The following LMBRD1 variants were observed in gnomAD, a reference collection of about 807,000 sequenced individuals.
LMBRD1 encodes the protein lysosomal cobalamin transport escort protein LMBD1.
In LMBRD1, 64 loss-of-function variants were observed where a neutral mutation model predicts 74.8. That is an observed-to-expected ratio of 0.86 (90% CI 0.70 to 1.05). The LOEUF is 1.05. LMBRD1 is among the 50% of genes least tolerant of loss of function. The pLI is 0.00. For missense variants in LMBRD1, 652 were observed against 645.9 expected, an observed-to-expected ratio of 1.01 and a Z score of -0.10; for synonymous variants, 204 against 216.3, an observed-to-expected ratio of 0.94 and a Z score of 0.50.
intron 14 of LMBRD1, among the ~76,000 whole-genome samples, chr6:69,690,738 C>T (rs913612289): frequency 6.6e-6 from 1 of 152,098 alleles, no homozygotes; most frequent in African/African-American, 2.4e-5. Context: ...TTGTGTACCT[C>T]ATAAATATAT....
intron 14 of LMBRD1, among the ~76,000 whole-genome samples, chr6:69,692,055 A>G (rs1765896484): frequency 6.6e-6 from 1 of 152,108 alleles, no homozygotes; most frequent in Non-Finnish European, 1.5e-5. Flanking sequence ...ATTATTTACA[A>G]TAATTCTCAT....
At chr6:69,762,455 AC>A (rs1765392026) in intron 3 of LMBRD1, among the ~76,000 whole-genome samples, 2 of 147,540 alleles carry the variant, frequency 1.4e-5, no homozygotes, top group South Asian at 2.2e-4. Context: ...CTACCAAAAA[AC>A]AAAAAAAAAA....
intron 3 of LMBRD1, among the ~76,000 whole-genome samples, chr6:69,761,368 T>C (rs1301779503): frequency 1.3e-5 from 2 of 152,182 alleles, no homozygotes; most frequent in Non-Finnish European, 2.9e-5. Flanking sequence ...GGCTAAATAA[T>C]TCATGCTATA....
At chr6:69,760,823 A>G (rs991304989) in intron 3 of LMBRD1, among the ~76,000 whole-genome samples, 1 of 152,120 alleles carries the variant, frequency 6.6e-6, no homozygotes, top group African/African-American at 2.4e-5. Context: ...GAGCTGCCCT[A>G]TAGAAAAGTC....
intron 7 of LMBRD1, among the ~76,000 whole-genome samples, chr6:69,728,469 T>C (rs1766783559): frequency 6.6e-6 from 1 of 152,206 alleles, no homozygotes; most frequent in African/African-American, 2.4e-5. Flanking sequence ...GCAGGTATGT[T>C]TCCCTGTCCC....
At chr6:69,741,361 G>A (rs1433253828) in intron 6 of LMBRD1, among the ~76,000 whole-genome samples, 2 of 151,626 alleles carry the variant, frequency 1.3e-5, no homozygotes, top group African/African-American at 2.4e-5. Flanking sequence ...TGACGAGTTA[G>A]AAAAACTGTG....
intron 3 of LMBRD1, among the ~76,000 whole-genome samples, chr6:69,760,989 G>A (rs1765361215): frequency 1.3e-5 from 2 of 152,172 alleles, no homozygotes; most frequent in Non-Finnish European, 2.9e-5. Flanking sequence ...CCCAACAAGA[G>A]AACCTGACCG....
At chr6:69,775,936 C>T (rs1248114770) in intron 3 of LMBRD1, among the ~76,000 whole-genome samples, 2 of 152,032 alleles carry the variant, frequency 1.3e-5, no homozygotes, top group South Asian at 2.1e-4. Flanking sequence ...TATTTGTCAC[C>T]AATGATAAAA....
intron 9 of LMBRD1, among the ~76,000 whole-genome samples, chr6:69,712,585 C>T (rs1428310448): frequency 2.0e-5 from 3 of 151,940 alleles, no homozygotes; most frequent in Non-Finnish European, 4.4e-5. Context: ...TTTGTGACAA[C>T]ATGGATGTGC....
intron 3 of LMBRD1, among the ~76,000 whole-genome samples, chr6:69,765,160 A>G (rs1184064101): frequency 1.3e-5 from 2 of 151,986 alleles, no homozygotes; most frequent in African/African-American, 4.8e-5. Context: ...TGAACTCCTG[A>G]CCTCAAGTGA....
intron 2 of LMBRD1, among the ~76,000 whole-genome samples, chr6:69,780,924 A>G (rs1471163975): frequency 6.6e-6 from 1 of 152,202 alleles, no homozygotes; most frequent in Non-Finnish European, 1.5e-5. Context: ...AAGCTTCAAG[A>G]AGCTAAATAT....
At chr6:69,778,206 C>A (rs1234055627) in intron 3 of LMBRD1, among the ~76,000 whole-genome samples, 1 of 152,212 alleles carries the variant, frequency 6.6e-6, no homozygotes, top group Non-Finnish European at 1.5e-5. Context: ...ACTGTCTCAA[C>A]TATCCTATTC....
At chr6:69,770,453 C>T (rs769303147) in intron 3 of LMBRD1, among the ~76,000 whole-genome samples, 2 of 152,152 alleles carry the variant, frequency 1.3e-5, no homozygotes, top group Non-Finnish European at 2.9e-5. Flanking sequence ...GTTTTCTGTT[C>T]AGTTTTGTCC....
chr6:69,749,263 C>T, intron 5 of LMBRD1, 78 bp downstream of exon 5: 1 of 1,146,126 alleles, frequency 8.7e-7, no homozygotes. Flanking sequence ...CTAGATTTTT[C>T]TGAATGATCC....
chr6:69,755,102 A>T (rs1229854116), intron 3 of LMBRD1, among the ~76,000 whole-genome samples: 2 of 152,212 alleles, frequency 1.3e-5, no homozygotes, highest in Non-Finnish European at 2.9e-5. Context: ...AGGATCATAA[A>T]TCATTCTACT....
At chr6:69,729,676 T>A (rs1049961905) in intron 7 of LMBRD1, among the ~76,000 whole-genome samples, 1 of 152,022 alleles carries the variant, frequency 6.6e-6, no homozygotes, top group Non-Finnish European at 1.5e-5. Flanking sequence ...TTAAAATATT[T>A]TATAAAATAA....
intron 6 of LMBRD1, among the ~76,000 whole-genome samples, chr6:69,739,810 TA>T (rs1373706043): frequency 7.5e-6 from 1 of 134,050 alleles, no homozygotes; most frequent in African/African-American, 2.9e-5. Flanking sequence ...GCATTTTTTT[TA>T]AAAAAGGTTA....
At chr6:69,696,343 G>GTCTCAATT (rs1459837452) in intron 14 of LMBRD1, among the ~76,000 whole-genome samples, 3 of 152,064 alleles carry the variant, frequency 2.0e-5, no homozygotes, top group Non-Finnish European at 2.9e-5. Context: ...CCATAGTCTG[G>GTCTCAATT]TCTCAATTTC....
intron 4 of LMBRD1, among the ~76,000 whole-genome samples, chr6:69,750,214 AC>A (rs905128180): frequency 6.6e-6 from 1 of 151,178 alleles, no homozygotes; most frequent in African/African-American, 2.4e-5. Context: ...ACTGATAAGA[AC>A]GTCACATATG....
Sources: allele counts gnomAD v4.1 joint callset (sites outside exome capture counted in the v4.1 genomes callset), GRCh38; gene constraint gnomAD v4.1.1; transcripts MANE v1.5; gene names NCBI Gene and HGNC (gene_info 2026-07-23, HGNC 2026-07-21).